The following CHRM3 variants were observed in gnomAD, a reference collection of about 807,000 sequenced individuals.
CHRM3 encodes muscarinic acetylcholine receptor M3.
A neutral mutation model predicts 41.8 loss-of-function variants in CHRM3; 11 were observed. The ratio of observed to expected loss-of-function variants is 0.26; its 90% CI spans 0.17 to 0.44. The LOEUF is 0.44. CHRM3 is among the 20% of genes least tolerant of loss of function. The probability of loss-of-function intolerance (pLI) is 1.00; values close to 1 mark genes in which losing one functional copy is unlikely to be tolerated. For synonymous variants in CHRM3, 297 were observed against 301.4 expected (o/e 0.99, Z 0.15); for missense variants, 571 against 745.4 (o/e 0.77, Z 2.72).
At chr1:239,700,164 C>T (rs2148080642) in intron 5 of CHRM3, among the ~76,000 whole-genome samples, 1 of 152,204 alleles carries the variant, frequency 6.6e-6, no homozygotes, top group South Asian at 2.1e-4. Flanking sequence ...AACTTGTATA[C>T]CTTTCTATCG....
intron 2 of CHRM3, among the ~76,000 whole-genome samples, chr1:239,494,384 A>G (rs1259137444): frequency 1.3e-5 from 2 of 152,086 alleles, no homozygotes; most frequent in African/African-American, 4.8e-5. Flanking sequence ...AGTCCTACCA[A>G]TCTCCTACCT....
intron 5 of CHRM3, among the ~76,000 whole-genome samples, chr1:239,689,444 TTTCTC>T (rs779077160): frequency 1.3e-5 from 2 of 152,144 alleles, no homozygotes; most frequent in African/African-American, 4.8e-5. Flanking sequence ...AAAATATAAA[TTTCTC>T]TAAAGTATTT....
chr1:239,834,148 TCACACACACACACACACA>T (rs34990180), intron 6 of CHRM3, among the ~76,000 whole-genome samples: 2 of 135,232 alleles, frequency 1.5e-5, no homozygotes, highest in Non-Finnish European at 3.1e-5. Context: ...TAATTCCACA[TCACACACACACACACACA>T]CACACACACA....
chr1:239,774,535 T>G (rs2148752319), intron 5 of CHRM3, among the ~76,000 whole-genome samples: 1 of 152,306 alleles, frequency 6.6e-6, no homozygotes, highest in East Asian at 1.9e-4. Flanking sequence ...CTGAAGTCTT[T>G]GGATGGCATA....
chr1:239,570,403 G>A (rs572639700), intron 3 of CHRM3, among the ~76,000 whole-genome samples: 21 of 152,220 alleles, frequency 1.4e-4, no homozygotes, highest in African/African-American at 2.6e-4. Flanking sequence ...TTATAGCAGC[G>A]TGATAACCAA....
At chr1:239,436,190 T>C (rs1239450176) in intron 1 of CHRM3, among the ~76,000 whole-genome samples, 1 of 151,976 alleles carries the variant, frequency 6.6e-6, no homozygotes, top group East Asian at 1.9e-4. Context: ...GACAGTAAGG[T>C]TGGTTATGGA....
chr1:239,456,324 G>A (rs748565571), intron 1 of CHRM3, among the ~76,000 whole-genome samples: 4 of 152,090 alleles, frequency 2.6e-5, no homozygotes, highest in South Asian at 2.1e-4. Flanking sequence ...CAGGTAAACC[G>A]TTTTTTATCT....
rs557055940 is a variant in CHRM3 at position 239,829,494 on chromosome 1, T to G, written c.-20+2116T>G. ...AGATCAAGGATTATTCCAGCAACTT[T>G]AGTTATAAAACACCTGCTATCTGTT... On this transcript the variant is annotated intron_variant, in intron 6 of 6. Transcript: ENST00000676153. 4.6e-5 allele frequency among the ~76,000 whole-genome samples: 7 copies of G among 152,348 alleles called. No homozygotes were observed. In the South Asian group the frequency reaches 1.4e-3, roughly 32 times the overall value.
chr1:239,664,621 G>A (rs1489669939), intron 4 of CHRM3, among the ~76,000 whole-genome samples: 5 of 151,926 alleles, frequency 3.3e-5, no homozygotes, highest in Admixed American at 6.6e-5. Flanking sequence ...AGTCCCCTGC[G>A]GCCATACCTG....
At chr1:239,390,604 T>G (rs2102911205) in intron 1 of CHRM3, among the ~76,000 whole-genome samples, 1 of 151,678 alleles carries the variant, frequency 6.6e-6, no homozygotes, top group African/African-American at 2.4e-5. Context: ...CCTCACTTTT[T>G]TTTTTTTTTT....
At chr1:239,655,076 G>A (rs1234032011) in intron 4 of CHRM3, among the ~76,000 whole-genome samples, 1 of 152,168 alleles carries the variant, frequency 6.6e-6, no homozygotes, top group Non-Finnish European at 1.5e-5. Flanking sequence ...CTAGTTACTT[G>A]TTCTATTTTT....
intron 6 of CHRM3, among the ~76,000 whole-genome samples, chr1:239,838,387 C>T (rs1396754382): frequency 6.6e-6 from 1 of 151,946 alleles, no homozygotes; most frequent in Non-Finnish European, 1.5e-5. Flanking sequence ...ACACCACAAA[C>T]ACCATCTGTT....
chr1:239,515,267 A>T (rs1010956303), intron 2 of CHRM3, among the ~76,000 whole-genome samples: 11 of 151,640 alleles, frequency 7.3e-5, no homozygotes, highest in Non-Finnish European at 1.2e-4. Context: ...TGGGGACTGC[A>T]TGTGGCTTAT....
In CHRM3 at chr1:239,440,798, T is replaced by C. The variant is rs186923180; in HGVS notation, c.-520-51911T>C. 2.5e-3 allele frequency among the ~76,000 whole-genome samples: 374 copies of C among 152,348 alleles called. 1 individual carries two copies. Among genetic ancestry groups the C allele is most frequent in the Non-Finnish European group, 4.6e-3 (310 of 68,014 alleles). On this transcript the variant is annotated intron_variant, in intron 1 of 6. Transcript: ENST00000676153. ...TGTATCCTTTGTAATAGAGCTAAAA[T>C]AGTACAACCCCAGAATTGAACCTTA...
chr1:239,670,040 A>ATTT (rs1396380862), intron 4 of CHRM3, among the ~76,000 whole-genome samples: 1 of 152,254 alleles, frequency 6.6e-6, no homozygotes, highest in Admixed American at 6.5e-5. Flanking sequence ...GTCTGATATT[A>ATTT]TAAAATAATA....
intron 2 of CHRM3, among the ~76,000 whole-genome samples, chr1:239,506,008 T>G (rs1306621890): frequency 6.6e-6 from 1 of 152,170 alleles, no homozygotes. Flanking sequence ...GTAAGGTATC[T>G]GGTGGAAGAC....
At chr1:239,499,068 T>A (rs1668056320) in intron 2 of CHRM3, among the ~76,000 whole-genome samples, 1 of 152,178 alleles carries the variant, frequency 6.6e-6, no homozygotes, top group Non-Finnish European at 1.5e-5. Flanking sequence ...GAATTGAATT[T>A]CATTCAAGGC....
intron 1 of CHRM3, among the ~76,000 whole-genome samples, chr1:239,446,581 C>G (rs1011016090): frequency 6.6e-6 from 1 of 152,096 alleles, no homozygotes; most frequent in Non-Finnish European, 1.5e-5. Context: ...GCAAATAAGA[C>G]AGATTTTTTA....
intron 6 of CHRM3, among the ~76,000 whole-genome samples, chr1:239,835,073 G>A (rs1204677551): frequency 2.0e-5 from 3 of 152,322 alleles, no homozygotes; most frequent in African/African-American, 7.2e-5. Flanking sequence ...TAATGGGGCT[G>A]TAAGTCAAGG....
Sources: gnomAD v4.1 joint callset for allele counts (sites outside exome capture counted in the v4.1 genomes callset) on GRCh38, gnomAD v4.1.1 for gene constraint, MANE v1.5 for transcripts, NCBI Gene and HGNC (gene_info 2026-07-23, HGNC 2026-07-21) for gene names.